CNTNAP2: variants seen among roughly 807,000 people sequenced by gnomAD.
The protein encoded by CNTNAP2 is contactin-associated protein-like 2.
CNTNAP2 carries 98 observed loss-of-function variants against 155.2 expected under a neutral mutation model. That is an observed-to-expected ratio of 0.63 (90% CI 0.54 to 0.75). CNTNAP2 has a LOEUF of 0.75. Ranked by LOEUF, CNTNAP2 falls within the 30% of genes least tolerant of loss-of-function variation. The pLI is 0.00. For synonymous variants in CNTNAP2, 651 were observed against 631.2 expected (o/e 1.03, Z -0.47); for missense variants, 1,727 against 1,688.1 (o/e 1.02, Z -0.40).
At chr7:147,291,604 C>T (rs1805314117) in intron 8 of CNTNAP2, among the ~76,000 whole-genome samples, 1 of 152,018 alleles carries the variant, frequency 6.6e-6, no homozygotes, top group Non-Finnish European at 1.5e-5. Flanking sequence ...TCAAGCATTC[C>T]TGTATGAGTA....
chr7:146,336,577 A>G (rs1801279635), intron 1 of CNTNAP2, among the ~76,000 whole-genome samples: 1 of 152,276 alleles, frequency 6.6e-6, no homozygotes, highest in South Asian at 2.1e-4. Context: ...TATCAAAACT[A>G]AAAATATTTC....
intron 1 of CNTNAP2, among the ~76,000 whole-genome samples, chr7:146,456,745 T>G (rs1796560660): frequency 6.6e-6 from 1 of 152,104 alleles, no homozygotes; most frequent in Admixed American, 6.6e-5. Flanking sequence ...AGTATCCCTT[T>G]AAAATAAATC....
intron 1 of CNTNAP2, among the ~76,000 whole-genome samples, chr7:146,189,489 G>T (rs1350418485): frequency 6.6e-6 from 1 of 152,098 alleles, no homozygotes; most frequent in African/African-American, 2.4e-5. Context: ...ATTATTTAGT[G>T]GAAAGCTAAA....
intron 1 of CNTNAP2, among the ~76,000 whole-genome samples, chr7:146,204,384 G>A (rs950704499): frequency 3.3e-5 from 5 of 152,072 alleles, no homozygotes; most frequent in Non-Finnish European, 5.9e-5. Context: ...AATTGTAATA[G>A]GTATACCTTT....
chr7:146,290,658 G>T (rs73459957), intron 1 of CNTNAP2, among the ~76,000 whole-genome samples: 2 of 152,088 alleles, frequency 1.3e-5, no homozygotes, highest in African/African-American at 4.8e-5. Flanking sequence ...TGTAAAGAGC[G>T]TGTATTTGGG....
At chr7:146,765,578 G>A (rs184037786) in intron 1 of CNTNAP2, among the ~76,000 whole-genome samples, 49 of 152,230 alleles carry the variant, frequency 3.2e-4, no homozygotes, top group African/African-American at 1.2e-3. Context: ...GAGGCTCTGG[G>A]AATAGAGAGT....
intron 1 of CNTNAP2, among the ~76,000 whole-genome samples, chr7:146,661,892 A>G (rs1800096148): frequency 6.6e-6 from 1 of 152,158 alleles, no homozygotes. Context: ...AATAACAAAC[A>G]TGGTTATACC....
chr7:148,341,081 G>C (rs1043895491), intron 21 of CNTNAP2, among the ~76,000 whole-genome samples: 1 of 152,178 alleles, frequency 6.6e-6, no homozygotes, highest in African/African-American at 2.4e-5. Flanking sequence ...TATGCACTTA[G>C]CGCTGATTGT....
rs566750760 is a variant in CNTNAP2, at chr7:147,192,698, T to TA, written c.1348+60190dup. Among the ~76,000 whole-genome samples, 269 of 152,296 alleles carry TA rather than the reference T, an allele frequency of 1.8e-3. 3 individuals carry two copies. Among genetic ancestry groups the TA allele is most frequent in the Middle Eastern group, 0.01 (3 of 294 alleles). On this transcript the variant is annotated intron_variant, in intron 8 of 23. Coordinates refer to ENST00000361727, the MANE Select transcript of CNTNAP2 (RefSeq NM_014141.6). The stretch of plus-strand genomic sequence containing the variant: ...CCCTGAACTGTCAAATTCCTCAGAG[T>TA]ACTTGTTCCCTTTCCTTTCTCTTAT...
chr7:146,814,134 C>A (rs1252581784), intron 2 of CNTNAP2, among the ~76,000 whole-genome samples: 8 of 152,008 alleles, frequency 5.3e-5, no homozygotes, highest in African/African-American at 1.9e-4. Context: ...CAGAATATAC[C>A]CAGATATAAA....
chr7:146,450,525 T>G (rs1796463764), intron 1 of CNTNAP2, among the ~76,000 whole-genome samples: 1 of 152,232 alleles, frequency 6.6e-6, no homozygotes, highest in Non-Finnish European at 1.5e-5. Flanking sequence ...GCGTTAGTTT[T>G]GTTTTCCTTA....
At chr7:148,144,959 A>G (rs1585150028) in intron 16 of CNTNAP2, among the ~76,000 whole-genome samples, 1 of 152,168 alleles carries the variant, frequency 6.6e-6, no homozygotes, top group African/African-American at 2.4e-5. Flanking sequence ...AGAAGCTTTT[A>G]AAACACACTG....
intron 16 of CNTNAP2, among the ~76,000 whole-genome samples, chr7:148,139,741 A>G (rs953788030): frequency 6.6e-6 from 1 of 151,996 alleles, no homozygotes; most frequent in African/African-American, 2.4e-5. Flanking sequence ...GGGTTTCACT[A>G]TGTTGGCCAG....
chr7:146,204,752 CA>C (rs1177327597), intron 1 of CNTNAP2, among the ~76,000 whole-genome samples: 1 of 152,028 alleles, frequency 6.6e-6, no homozygotes, highest in Non-Finnish European at 1.5e-5. Context: ...TGTCATCCCC[CA>C]GTGTTTTTAC....
In CNTNAP2 at chr7:147,137,906, TA is replaced by T. The variant is rs1304780028; in HGVS notation, c.1348+5398del. Among the ~76,000 whole-genome samples, 192 of 130,962 alleles carry T rather than the reference TA, an allele frequency of 1.5e-3. 2 individuals are homozygous for T. The highest frequency in any genetic ancestry group is 8.0e-4 in the Non-Finnish European group (47 of 59,024). The allele number at this position is 130,962 out of a possible 152,430, so 85.9% of individuals were successfully genotyped here. On this transcript the variant is annotated intron_variant, in intron 8 of 23. Coordinates refer to ENST00000361727, the MANE Select transcript of CNTNAP2 (RefSeq NM_014141.6). The stretch of plus-strand genomic sequence containing the variant: ...ATAGATAGATAGATAGATAGATAGA[TA>T]GATAGATAGGTAGATAGATAAAAAG...
At chr7:146,630,800 T>G (rs139001702) in intron 1 of CNTNAP2, among the ~76,000 whole-genome samples, 3,435 of 151,878 alleles carry the variant, frequency 0.023, 50 homozygotes, top group Middle Eastern at 0.041. Flanking sequence ...AAATCATGAG[T>G]GATCACAATT....
intron 18 of CNTNAP2, among the ~76,000 whole-genome samples, chr7:148,187,130 ACACAC>A (rs1795128523): frequency 1.3e-5 from 2 of 151,050 alleles, no homozygotes; most frequent in Non-Finnish European, 1.5e-5. Context: ...ACACACACAC[ACACAC>A]ACACACACAC....
rs141777938 is a variant in CNTNAP2 at position 147,485,484 on chromosome 7, T to A, written c.1671-451T>A. The stretch of plus-strand genomic sequence containing the variant: ...TAGTATATTTTCATTGCTGTTATCA[T>A]GACGTTATTTCAAAAACTCAAATTG... On this transcript the variant is annotated intron_variant, in intron 10 of 23. Transcript: ENST00000361727. 2.1e-3 allele frequency among the ~76,000 whole-genome samples: 313 copies of A among 152,296 alleles called. 1 individual carries two copies. Among genetic ancestry groups the A allele is most frequent in the African/African-American group, 7.0e-3 (290 of 41,576 alleles).
At chr7:147,459,989 T>C (rs2116585240) in intron 10 of CNTNAP2, among the ~76,000 whole-genome samples, 1 of 151,922 alleles carries the variant, frequency 6.6e-6, no homozygotes, top group East Asian at 1.9e-4. Flanking sequence ...CCAGGGCCTG[T>C]CAGGGGATGG....
Sources: gnomAD v4.1 joint callset for allele counts (sites outside exome capture counted in the v4.1 genomes callset) on GRCh38, gnomAD v4.1.1 for gene constraint, MANE v1.5 for transcripts, NCBI Gene and HGNC (gene_info 2026-07-23, HGNC 2026-07-21) for gene names.